The following TET2 variants were observed in gnomAD, a reference collection of about 807,000 sequenced individuals.
TET2 encodes methylcytosine dioxygenase TET2.
TET2 carries 299 observed loss-of-function variants against 142.9 expected under a neutral mutation model. That is an observed-to-expected ratio of 2.09 (90% confidence interval 1.90 to 2.30). The LOEUF (loss-of-function observed/expected upper bound fraction) is 2.30, where lower values mean the gene tolerates loss of function less well. Ranked by LOEUF, TET2 falls within the 30% of genes most tolerant of loss-of-function variation. The pLI, the probability that TET2 is intolerant of heterozygous loss-of-function variation, is 0.00. For synonymous variants in TET2, 819 were observed against 849.0 expected, an observed-to-expected ratio of 0.96 and a Z score of 0.61; for missense variants, 2,418 against 2,378.0, an observed-to-expected ratio of 1.02 and a Z score of -0.35.
chr4:105,225,604 C>T (rs944648938), intron 2 of TET2, among the ~76,000 whole-genome samples: 1 of 152,116 alleles, frequency 6.6e-6, no homozygotes, highest in African/African-American at 2.4e-5. Context: ...GGGACAAGAG[C>T]TCTAGTCTTC....
intron 2 of TET2, among the ~76,000 whole-genome samples, chr4:105,198,809 G>T (rs1726256519): frequency 6.6e-6 from 1 of 152,334 alleles, no homozygotes; most frequent in South Asian, 2.1e-4. Flanking sequence ...TGGTACATCA[G>T]TGTGGGAGTC....
At chr4:105,262,544 C>G (rs1320263995) in intron 8 of TET2, among the ~76,000 whole-genome samples, 2 of 152,062 alleles carry the variant, frequency 1.3e-5, no homozygotes, top group African/African-American at 2.4e-5. Context: ...TGTTTAGTCA[C>G]TGGGAACATA....
Position 105,275,148 on chromosome 4 carries a change from G to C in TET2, c.4638G>C (p.Gln1546His), listed in dbSNP as rs1560572977. The C allele has an allele frequency of 6.4e-7, 1 of 1,552,042 alleles. No homozygotes were observed. The highest frequency in any genetic ancestry group is 8.7e-7 in the Non-Finnish European group (1 of 1,147,042). The change falls in exon 11 of 11, where the codon CAG becomes CAC. Residue 1546 changes from glutamine (Q) to histidine (H), a missense_variant. Physicochemically the swap from Gln to His is conservative, Grantham distance 24. Coordinates refer to ENST00000380013, the MANE Select transcript of TET2 (RefSeq NM_001127208.3). Reference sequence around the variant, plus strand: ...CCCAGCAGCAGCAGAGACCCCAGCAGCAGCAGCCACATCACCCTCAGACAG... The same window carrying C: ...CCCAGCAGCAGCAGAGACCCCAGCACCAGCAGCCACATCACCCTCAGACAG... ...PQPQQQQRPQQQQPHHPQTES... is the reference protein window; with the variant it reads ...PQPQQQQRPQHQQPHHPQTES...
At chr4:105,183,408 T>C (rs1725237406) in intron 1 of TET2, among the ~76,000 whole-genome samples, 1 of 152,182 alleles carries the variant, frequency 6.6e-6, no homozygotes, top group South Asian at 2.1e-4. Flanking sequence ...ATTTTGCTTG[T>C]GTTTTTATAC....
Position 105,243,746 on chromosome 4 carries a change from G to T in TET2, c.3771G>T (p.Thr1257=), listed in dbSNP as rs778466455. The T allele has an allele frequency of 6.4e-7, 1 of 1,551,498 alleles. No homozygotes were observed. The highest frequency in any genetic ancestry group is 1.2e-5 in the South Asian group (1 of 84,024). ...ELTETLRKYG[T]LTNRRCALNE... ...CCGAGACGCTGAGGAAATACGGCACGCTCACCAATCGCCGGTGTGCCTTGA... is the reference window on the plus strand; with the variant it reads ...CCGAGACGCTGAGGAAATACGGCACTCTCACCAATCGCCGGTGTGCCTTGA... Residue 1257 remains threonine (T), a synonymous_variant, in exon 6 of 11, where the codon ACG becomes ACT. Coordinates refer to ENST00000380013, the MANE Select transcript of TET2 (RefSeq NM_001127208.3).
chr4:105,163,854 A>AGAGAGAGAGAGAGT (rs1553942671), intron 1 of TET2, among the ~76,000 whole-genome samples: 64 of 85,224 alleles, frequency 7.5e-4, no homozygotes, highest in Non-Finnish European at 1.1e-3. Flanking sequence ...AGAGAGAGAG[A>AGAGAGAGAGAGAGT]GTGTGTGTGT....
In TET2 at chr4:105,235,635, A is replaced by G. The variant is rs1578674425; in HGVS notation, c.1693A>G (p.Ile565Val). The G allele has an allele frequency of 6.2e-7, 1 of 1,614,162 alleles. No homozygotes were observed. The highest frequency in any genetic ancestry group is 8.5e-7 in the Non-Finnish European group (1 of 1,180,004). ...ACAGCACTATCTGAAACCAGGATGG[A>G]TTGAATTGAAGGCCCCTCGTTTTCA... is the stretch of plus-strand genomic sequence containing the variant. ...PTQHYLKPGW[I>V]ELKAPRFHQA... The change falls in exon 3 of 11, where the codon ATT becomes GTT. Residue 565 changes from isoleucine (I) to valine (V), a missense_variant. Coordinates refer to ENST00000380013, the MANE Select transcript of TET2 (RefSeq NM_001127208.3).
chr4:105,235,845 C>T lies in TET2; in HGVS notation c.1903C>T (p.Gln635Ter). The change falls in exon 3 of 11, where the codon CAA becomes TAA. Residue 635 changes from glutamine (Q) to a stop codon, truncating the protein, a stop_gained. Transcript: ENST00000380013. LOFTEE classifies it high-confidence loss of function. ...TQLEHKSQMY[Q>*]VEMNQGQSQG... Reference sequence around the variant, plus strand: ...GCTGGAGCACAAGTCACAAATGTACCAAGTTGAAATGAATCAAGGGCAGTC... The same window carrying T: ...GCTGGAGCACAAGTCACAAATGTACTAAGTTGAAATGAATCAAGGGCAGTC... 2.5e-6 allele frequency: 4 copies of T among 1,613,926 alleles called. No individual in the cohort carries two copies. Among genetic ancestry groups the T allele is most frequent in the Non-Finnish European group, 1.7e-6 (2 of 1,179,950 alleles).
chr4:105,267,402 T>G (rs1044574752), intron 8 of TET2, among the ~76,000 whole-genome samples: 2 of 152,014 alleles, frequency 1.3e-5, no homozygotes, highest in African/African-American at 4.8e-5. Flanking sequence ...TTATGAGGTT[T>G]ATAACACGTA....
intron 1 of TET2, among the ~76,000 whole-genome samples, chr4:105,176,628 A>C (rs1215839293): frequency 6.6e-6 from 1 of 152,188 alleles, no homozygotes; most frequent in Non-Finnish European, 1.5e-5. Flanking sequence ...GTGTAATGAA[A>C]AATACCAGTG....
At chr4:105,170,479 A>G (rs534606371) in intron 1 of TET2, among the ~76,000 whole-genome samples, 5 of 152,334 alleles carry the variant, frequency 3.3e-5, no homozygotes, top group Admixed American at 3.3e-4. Context: ...CCTGGTCAAC[A>G]CAGTGAGAAC....
Position 105,272,877 on chromosome 4 carries a change from C to A in TET2, c.4496C>A (p.Thr1499Lys), listed in dbSNP as rs984803703. The change falls in exon 10 of 11, where the codon ACA becomes AAA. Residue 1499 changes from threonine to lysine, a missense_variant. Physicochemically the swap from Thr to Lys is moderately conservative, Grantham distance 78. Coordinates refer to ENST00000380013, the MANE Select transcript of TET2 (RefSeq NM_001127208.3). Reference sequence around the variant, plus strand: ...AAGGAAAAGTCAGCCCCATCACGTACAAAACAAACTGAAAACGCAAGCCAG... The same window carrying A: ...AAGGAAAAGTCAGCCCCATCACGTAAAAAACAAACTGAAAACGCAAGCCAG... ...NEKEKSAPSR[T>K]KQTENASQAK... is the part of the protein sequence containing the mutation. 2 of 1,545,216 alleles carry A rather than the reference C, an allele frequency of 1.3e-6. No homozygotes were observed. Among genetic ancestry groups the A allele is most frequent in the African/African-American group, 2.8e-5 (2 of 72,274 alleles).
chr4:105,247,464 T>TC (rs1456980060), intron 6 of TET2, among the ~76,000 whole-genome samples: 8 of 152,184 alleles, frequency 5.3e-5, no homozygotes, highest in Non-Finnish European at 1.2e-4. Context: ...AAATAAAACT[T>TC]CCTCTCATAA....
rs1160732978 is a variant in TET2, at chr4:105,241,413, G to A, written c.3484G>A (p.Glu1162Lys). Residue 1162 changes from glutamate (E) to lysine (K), a missense_variant, in exon 4 of 11, where the codon GAA becomes AAA. Coordinates refer to ENST00000380013, the MANE Select transcript of TET2 (RefSeq NM_001127208.3). The stretch of plus-strand genomic sequence containing the variant: ...AGGTCCTAATGTGGCAGCTATTAGA[G>A]AAATCATGGAAGAAAGGTAATTAAC... ...GAGPNVAAIR[E>K]IMEERFGQKG... 6.5e-7 allele frequency: 1 copy of A among 1,550,026 alleles called. No individual in the cohort carries two copies. The highest frequency in any genetic ancestry group is 8.7e-7 in the Non-Finnish European group (1 of 1,146,554).
intron 1 of TET2, among the ~76,000 whole-genome samples, chr4:105,183,223 A>T (rs1725224809): frequency 6.6e-6 from 1 of 152,124 alleles, no homozygotes; most frequent in Admixed American, 6.5e-5. Context: ...CCATTACATC[A>T]TTTTGTAATA....
intron 2 of TET2, among the ~76,000 whole-genome samples, chr4:105,225,877 T>C (rs1220239391): frequency 6.6e-6 from 1 of 152,138 alleles, no homozygotes; most frequent in African/African-American, 2.4e-5. Flanking sequence ...CAGTCCAGCA[T>C]TGCAAAGATA....
At chr4:105,219,615 T>C (rs575377261) in intron 2 of TET2, among the ~76,000 whole-genome samples, 1 of 152,266 alleles carries the variant, frequency 6.6e-6, no homozygotes, top group South Asian at 2.1e-4. Flanking sequence ...TATAGTTAAT[T>C]TCTACCTTTT....
chr4:105,146,278 T>G (rs1368273101), upstream of TET2: 1 of 152,424 alleles, frequency 6.6e-6, no homozygotes, highest in Non-Finnish European at 1.5e-5. Context: ...AGATGTCACG[T>G]CTTTGTCCAG....
intron 9 of TET2, among the ~76,000 whole-genome samples, chr4:105,272,261 G>A (rs1730997806): frequency 1.3e-5 from 2 of 152,142 alleles, no homozygotes; most frequent in African/African-American, 4.8e-5. Context: ...TTGGGGGAGT[G>A]TTGCTTCTTC....
Sources: allele counts gnomAD v4.1 joint callset (sites outside exome capture counted in the v4.1 genomes callset), GRCh38; gene constraint gnomAD v4.1.1; transcripts MANE v1.5; gene names NCBI Gene and HGNC (gene_info 2026-07-23, HGNC 2026-07-21).